KAT2B: variants seen among roughly 807,000 people sequenced by gnomAD.
The protein encoded by KAT2B is histone acetyltransferase KAT2B.
Under a neutral mutation model 105.9 loss-of-function variants are expected in KAT2B, and 36 were observed. That is an observed-to-expected ratio of 0.34 (90% CI 0.26 to 0.45). The LOEUF is 0.45. KAT2B is among the 20% of genes least tolerant of loss of function. The probability of loss-of-function intolerance (pLI) is 1.00; values close to 1 mark genes in which losing one functional copy is unlikely to be tolerated. For synonymous variants in KAT2B, 397 were observed against 377.9 expected, an observed-to-expected ratio of 1.05 and a Z score of -0.59; for missense variants, 820 against 1,021.6, an observed-to-expected ratio of 0.80 and a Z score of 2.69.
In KAT2B at chr3:20,119,738, G is replaced by C; in HGVS notation, c.1276+15G>C. 6.2e-7 allele frequency: 1 copy of C among 1,613,570 alleles called. No individual in the cohort carries two copies. The highest frequency in any genetic ancestry group is 8.5e-7 in the Non-Finnish European group (1 of 1,179,672). On this transcript the variant is annotated intron_variant, in intron 8 of 17. Coordinates refer to ENST00000263754, the MANE Select transcript of KAT2B (RefSeq NM_003884.5). ...GGCAAACCCAGGTAAGCTCTTAAGA[G>C]GGGATAAGAGAGGGCTGTGACTTGC...
chr3:20,085,605 G>C (rs961068863), intron 2 of KAT2B, among the ~76,000 whole-genome samples: 2 of 151,496 alleles, frequency 1.3e-5, no homozygotes, highest in African/African-American at 2.4e-5. Flanking sequence ...CCACCTCCTG[G>C]GTTCAAGTGA....
intron 11 of KAT2B, among the ~76,000 whole-genome samples, chr3:20,131,255 A>T (rs1278958740): frequency 6.6e-6 from 1 of 151,874 alleles, no homozygotes; most frequent in African/African-American, 2.4e-5. Flanking sequence ...ACCTCAGGTG[A>T]TCGCCTGCTT....
rs747024644 is a variant in KAT2B at position 20,040,791 on chromosome 3, G to A, written c.303+11G>A. On this transcript the variant is annotated intron_variant, in intron 1 of 17. Transcript: ENST00000263754. ...TACTCCGCCTGCAAGGTACGCGCTC[G>A]CCGCTCTCGGACCGCGGATGGGTGC... 6.3e-7 allele frequency: 1 copy of A among 1,582,068 alleles called. No individual in the cohort carries two copies. The highest frequency in any genetic ancestry group is 1.7e-5 in the Admixed American group (1 of 58,498).
rs534599177 is a variant in KAT2B, at chr3:20,147,315, A to G, written c.2120-648A>G. On this transcript the variant is annotated intron_variant, in intron 14 of 17. Transcript: ENST00000263754. ...CTATTAATGACATAATAGCAACCAT[A>G]TCATTGAATGCCTACTTGTGCCACG... Among the ~76,000 whole-genome samples, 6 of 151,246 alleles carry G rather than the reference A, an allele frequency of 4.0e-5. No individual in the cohort carries two copies. The South Asian group carries it at 1.3e-3, about 32-fold the overall frequency.
At chr3:20,142,885 C>CTG (rs55845090) in intron 13 of KAT2B, among the ~76,000 whole-genome samples, 15,178 of 139,764 alleles carry the variant, frequency 0.11, 935 homozygotes, top group Admixed American at 0.17. Flanking sequence ...ATCTATGTGC[C>CTG]TGTGTGTGTG....
chr3:20,040,620 G>A lies in KAT2B; in HGVS notation c.143G>A (p.Gly48Asp), dbSNP rs538445910. ...TCCCCCTGCGCCGCTGCCGCCGGGG[G>A]CTCGGGCGCCTGCGGTCCGGCGACG... ...QGSPCAAAAG[G>D]SGACGPATAV... The change falls in exon 1 of 18, where the codon GGC becomes GAC. Residue 48 changes from glycine (G) to aspartate (D), a missense_variant. By Grantham distance (94) the Gly-to-Asp change is moderately conservative. Coordinates refer to ENST00000263754, the MANE Select transcript of KAT2B (RefSeq NM_003884.5). The A allele has an allele frequency of 2.2e-6, 3 of 1,334,776 alleles. No individual in the cohort carries two copies. The highest frequency in any genetic ancestry group is 1.9e-5 in the South Asian group (1 of 53,750). 82.7% of individuals were successfully genotyped at this position (1,334,776 alleles called of 1,614,324 possible). A position where few individuals can be genotyped will look rare whatever the true frequency, so the allele number is the denominator to read the frequency against.
intron 1 of KAT2B, among the ~76,000 whole-genome samples, chr3:20,060,166 C>G (rs1279885401): frequency 2.0e-5 from 3 of 152,206 alleles, no homozygotes; most frequent in African/African-American, 7.2e-5. Context: ...TGCCTTTTGG[C>G]TATCATGAAT....
At chr3:20,148,050 C>T (rs746728029) in intron 15 of KAT2B, 51 bp downstream of exon 15, 2 of 1,568,388 alleles carry the variant, frequency 1.3e-6, no homozygotes, top group East Asian at 2.3e-5. Flanking sequence ...TTTTTTTTCC[C>T]CACCAAGCAA....
intron 1 of KAT2B, among the ~76,000 whole-genome samples, chr3:20,068,149 A>G (rs2929395): frequency 0.32 from 48,099 of 150,342 alleles, 10,799 homozygotes; most frequent in East Asian, 0.73. Context: ...GGTGTGCACC[A>G]CCATGCCGAC....
rs373657180 is a variant in KAT2B, at chr3:20,152,483, C to T, written c.2457C>T (p.Phe819=). The stretch of plus-strand genomic sequence containing the variant: ...AATGTGCCAATATCCTGGAGAAATT[C>T]TTCTTCAGTAAAATTAAGGAAGCTG... ...YYKCANILEK[F]FFSKIKEAGL... Residue 819 remains phenylalanine, a synonymous_variant, in exon 18 of 18, where the codon TTC becomes TTT. Transcript: ENST00000263754. 1 of 1,613,254 alleles carries T rather than the reference C, an allele frequency of 6.2e-7. No individual in the cohort carries two copies. The highest frequency in any genetic ancestry group is 8.5e-7 in the Non-Finnish European group (1 of 1,179,460).
intron 1 of KAT2B, among the ~76,000 whole-genome samples, chr3:20,059,596 T>C (rs1277022568): frequency 2.6e-5 from 4 of 151,714 alleles, no homozygotes; most frequent in East Asian, 1.9e-4. Flanking sequence ...TCCCAGCTAC[T>C]TGGGAGGCTG....
At chr3:20,093,823 C>T (rs1422290459) in intron 2 of KAT2B, among the ~76,000 whole-genome samples, 2 of 152,206 alleles carry the variant, frequency 1.3e-5, no homozygotes, top group South Asian at 2.1e-4. Context: ...ATGTGGCAAA[C>T]GTAGTAATAG....
At chr3:20,106,452 C>CACAA (rs138328807) in intron 5 of KAT2B, among the ~76,000 whole-genome samples, 1 of 151,838 alleles carries the variant, frequency 6.6e-6, no homozygotes, top group Non-Finnish European at 1.5e-5. Context: ...CACACACACA[C>CACAA]ACACACACAC....
chr3:20,142,612 A>G (rs1183093252), intron 13 of KAT2B, among the ~76,000 whole-genome samples: 4 of 152,158 alleles, frequency 2.6e-5, no homozygotes, highest in Admixed American at 2.6e-4. Flanking sequence ...AGGTGGACCA[A>G]GAGTGGAGAG....
intron 2 of KAT2B, among the ~76,000 whole-genome samples, chr3:20,081,125 T>G (rs1698512296): frequency 6.6e-6 from 1 of 152,240 alleles, no homozygotes; most frequent in Non-Finnish European, 1.5e-5. Context: ...TTACCTCTTC[T>G]AGCCTCGATG....
chr3:20,142,861 A>G (rs896030566), intron 13 of KAT2B, among the ~76,000 whole-genome samples: 1 of 151,998 alleles, frequency 6.6e-6, no homozygotes, highest in African/African-American at 2.4e-5. Flanking sequence ...GGCTATGAGC[A>G]AGCATAATTG....
rs143256707 is a variant in KAT2B at position 20,098,165 on chromosome 3, G to C, written c.577-1697G>C. Among the ~76,000 whole-genome samples the C allele has an allele frequency of 6.6e-4, 101 of 151,904 alleles. 2 individuals carry two copies. In the East Asian group the frequency reaches 0.018, roughly 27 times the overall value. ...GAATTGCTTGAGTCCGGGATGCAGA[G>C]GTTGCCATGAGCTGAGATCATGCCA... On this transcript the variant is annotated intron_variant, in intron 3 of 17. Transcript: ENST00000263754.
intron 5 of KAT2B, among the ~76,000 whole-genome samples, chr3:20,107,357 A>G (rs2125162711): frequency 6.7e-6 from 1 of 149,054 alleles, no homozygotes. Context: ...TTTACCCAAT[A>G]TATAAAAAAT....
chr3:20,107,983 A>C (rs548567741), intron 5 of KAT2B, among the ~76,000 whole-genome samples: 43 of 151,324 alleles, frequency 2.8e-4, no homozygotes, highest in Non-Finnish European at 4.6e-4. Context: ...TAATGTTTAT[A>C]TTTTTTAGTA....
Sources: gnomAD v4.1 joint callset for allele counts (sites outside exome capture counted in the v4.1 genomes callset) on GRCh38, gnomAD v4.1.1 for gene constraint, MANE v1.5 for transcripts, NCBI Gene and HGNC (gene_info 2026-07-23, HGNC 2026-07-21) for gene names.